The following JMJD1C variants were observed in gnomAD, a reference collection of about 807,000 sequenced individuals.
JMJD1C encodes the protein jumonji domain-containing protein 1C.
Under a neutral mutation model 245.3 loss-of-function variants are expected in JMJD1C, and 31 were observed. The ratio of observed to expected loss-of-function variants is 0.13; its 90% CI spans 0.09 to 0.17. JMJD1C has a LOEUF of 0.17. Among genes scored for constraint, JMJD1C ranks in the 10% least tolerant of loss-of-function variants. The pLI is 1.00. For synonymous variants in JMJD1C, 1,057 were observed against 1,017.4 expected, an observed-to-expected ratio of 1.04 and a Z score of -0.74; for missense variants, 2,691 against 3,000.2, an observed-to-expected ratio of 0.90 and a Z score of 2.41.
intron 2 of JMJD1C, among the ~76,000 whole-genome samples, chr10:63,329,639 G>C (rs12768634): frequency 6.6e-6 from 1 of 151,842 alleles, no homozygotes; most frequent in Non-Finnish European, 1.5e-5. Context: ...CTCTGACTTA[G>C]AATGGTTCAA....
At chr10:63,273,424 A>G (rs1001823630) in intron 2 of JMJD1C, among the ~76,000 whole-genome samples, 2 of 152,206 alleles carry the variant, frequency 1.3e-5, no homozygotes, top group Non-Finnish European at 2.9e-5. Flanking sequence ...TTTTTAACAC[A>G]AACAAAAATA....
intron 1 of JMJD1C, among the ~76,000 whole-genome samples, chr10:63,494,750 C>T (rs71508969): frequency 0.2 from 30,668 of 151,994 alleles, 4,053 homozygotes; most frequent in Non-Finnish European, 0.29. Context: ...CAGAGAAAAA[C>T]CTAAAGAGAA....
intron 1 of JMJD1C, among the ~76,000 whole-genome samples, chr10:63,515,285 T>C (rs1482676158): frequency 6.6e-6 from 1 of 152,188 alleles, no homozygotes; most frequent in Non-Finnish European, 1.5e-5. Flanking sequence ...AGAGAAATAA[T>C]TTCTCCTGAG....
chr10:63,198,378 T>A (rs1330121385), intron 12 of JMJD1C, 135 bp downstream of exon 12: 8 of 605,092 alleles, frequency 1.3e-5, no homozygotes, highest in Non-Finnish European at 2.0e-5. Context: ...CTTAAATACA[T>A]ACTGTAAAAA....
chr10:63,327,992 A>C (rs1337120432), intron 2 of JMJD1C, among the ~76,000 whole-genome samples: 1 of 151,910 alleles, frequency 6.6e-6, no homozygotes, highest in Admixed American at 6.5e-5. Context: ...AAAAGTAGTA[A>C]GGCTAGGCGC....
chr10:63,258,938 C>G (rs1013870205), intron 3 of JMJD1C, among the ~76,000 whole-genome samples: 2 of 152,144 alleles, frequency 1.3e-5, no homozygotes, highest in Non-Finnish European at 2.9e-5. Flanking sequence ...CTGAAAGGAA[C>G]TGTAGGACAA....
chr10:63,187,571 G>C (rs1184522414), intron 18 of JMJD1C, among the ~76,000 whole-genome samples: 1 of 152,074 alleles, frequency 6.6e-6, no homozygotes, highest in African/African-American at 2.4e-5. Flanking sequence ...CCAAGTAGCT[G>C]GGACTACTGG....
chr10:63,310,520 G>A (rs1250540924), intron 2 of JMJD1C, among the ~76,000 whole-genome samples: 1 of 152,218 alleles, frequency 6.6e-6, no homozygotes, highest in Non-Finnish European at 1.5e-5. Flanking sequence ...AGATTACTGT[G>A]AAGGATGGGC....
intron 2 of JMJD1C, among the ~76,000 whole-genome samples, chr10:63,364,406 T>A (rs1025399703): frequency 1.3e-5 from 2 of 152,264 alleles, no homozygotes; most frequent in Non-Finnish European, 2.9e-5. Context: ...ATTCTAAAAA[T>A]GTATTTCTAT....
chr10:63,210,700 G>A (rs1847211078), intron 8 of JMJD1C, among the ~76,000 whole-genome samples: 1 of 151,846 alleles, frequency 6.6e-6, no homozygotes. Flanking sequence ...GAGAGTGAAG[G>A]GTCAGAATAA....
At chr10:63,408,044 A>T (rs1949271872) in intron 1 of JMJD1C, among the ~76,000 whole-genome samples, 1 of 152,146 alleles carries the variant, frequency 6.6e-6, no homozygotes, top group Non-Finnish European at 1.5e-5. Flanking sequence ...CAATTCAGAA[A>T]AACTTTTCAG....
Position 63,188,954 on chromosome 10 carries a change from G to T in JMJD1C, c.6570+214C>A, listed in dbSNP as rs188529181. On this transcript the variant is annotated intron_variant, in intron 18 of 25. Transcript: ENST00000399262. ...CAAAAAGTAACATAAAATAATCAAC[G>T]TTTCCCTATTAATTCATATTAAATC... Among the ~76,000 whole-genome samples the T allele has an allele frequency of 2.6e-3, 398 of 152,158 alleles. 3 individuals are homozygous for T. Among genetic ancestry groups the T allele is most frequent in the Middle Eastern group, 0.01 (3 of 292 alleles).
chr10:63,345,488 C>CAAAAA (rs34551660), intron 2 of JMJD1C, among the ~76,000 whole-genome samples: 1 of 100,474 alleles, frequency 1.0e-5, no homozygotes, highest in African/African-American at 3.9e-5. Context: ...GACTTTGTCT[C>CAAAAA]AAAAAAAAAA....
intron 2 of JMJD1C, among the ~76,000 whole-genome samples, chr10:63,374,151 T>C (rs928931379): frequency 6.6e-6 from 1 of 152,134 alleles, no homozygotes; most frequent in Admixed American, 6.5e-5. Context: ...ACAAAAAGGT[T>C]ATAATATCTG....
intron 1 of JMJD1C, among the ~76,000 whole-genome samples, chr10:63,434,566 T>C (rs766267868): frequency 4.8e-4 from 73 of 151,886 alleles, no homozygotes; most frequent in Non-Finnish European, 9.3e-4. Flanking sequence ...AGGTTCTCTC[T>C]AAGCAATGAG....
chr10:63,342,132 A>G (rs1257713995), intron 2 of JMJD1C, among the ~76,000 whole-genome samples: 1 of 152,258 alleles, frequency 6.6e-6, no homozygotes, highest in Non-Finnish European at 1.5e-5. Flanking sequence ...TAGATAACGA[A>G]GACGACTTTG....
At chr10:63,510,129 A>G (rs931376165) in intron 1 of JMJD1C, among the ~76,000 whole-genome samples, 2 of 151,400 alleles carry the variant, frequency 1.3e-5, no homozygotes, top group African/African-American at 4.9e-5. Context: ...CGGCACCCCC[A>G]AGTAGCTGGG....
intron 2 of JMJD1C, among the ~76,000 whole-genome samples, chr10:63,344,886 T>C (rs965690272): frequency 6.6e-6 from 1 of 152,118 alleles, no homozygotes; most frequent in Admixed American, 6.5e-5. Context: ...CAAGTTCTGG[T>C]GAGGATGCAG....
At chr10:63,465,222 G>A (rs897077704) in intron 1 of JMJD1C, 5 of 395,418 alleles carry the variant, frequency 1.3e-5, no homozygotes, top group Non-Finnish European at 1.3e-5. Context: ...CCACAGCGGG[G>A]AGCCGCGGTC....
Sources: allele counts gnomAD v4.1 joint callset (sites outside exome capture counted in the v4.1 genomes callset), GRCh38; gene constraint gnomAD v4.1.1; transcripts MANE v1.5; gene names NCBI Gene and HGNC (gene_info 2026-07-23, HGNC 2026-07-21).